SMURF2: variants seen among roughly 807,000 people sequenced by gnomAD.
SMURF2 encodes the protein SMAD specific E3 ubiquitin protein ligase 2, also known as E3 ubiquitin-protein ligase SMURF2.
A neutral mutation model predicts 109.6 loss-of-function variants in SMURF2; 48 were observed. That is an observed-to-expected ratio of 0.44 (90% CI 0.35 to 0.56). The LOEUF is 0.56. SMURF2 is among the 20% of genes least tolerant of loss of function. SMURF2 has a pLI of 0.01. For synonymous variants in SMURF2, 288 were observed against 317.1 expected, an observed-to-expected ratio of 0.91 and a Z score of 0.97; for missense variants, 575 against 909.0, an observed-to-expected ratio of 0.63 and a Z score of 4.72.
chr17:64,635,509 C>G (rs1019784012), intron 1 of SMURF2, among the ~76,000 whole-genome samples: 6 of 152,056 alleles, frequency 3.9e-5, no homozygotes. Context: ...CCCCATCTTC[C>G]CTCCCCCATC....
At position 64,639,881 on chromosome 17, in the gene SMURF2, G is replaced by A. The variant is rs569130732; in HGVS notation, c.52+21948C>T. On this transcript the variant is annotated intron_variant, in intron 1 of 18. Transcript: ENST00000262435. Reference sequence around the variant, plus strand: ...CCCTGTGGGTGCTCCCCATCTAATAGGGATTAAAAAACAATGAGCAGCATT... The same window carrying A: ...CCCTGTGGGTGCTCCCCATCTAATAAGGATTAAAAAACAATGAGCAGCATT... 9.2e-5 allele frequency among the ~76,000 whole-genome samples: 14 copies of A among 152,246 alleles called. No individual in the cohort carries two copies. The South Asian group carries it at 1.0e-3, about 11-fold the overall frequency.
intron 15 of SMURF2, 23 bp from the exon 16 acceptor site, chr17:64,551,727 C>T (rs782767357): frequency 1.2e-5 from 19 of 1,611,928 alleles, no homozygotes; most frequent in Admixed American, 6.7e-5. Context: ...GGCAGGATTT[C>T]GTATAATCAC....
intron 1 of SMURF2, among the ~76,000 whole-genome samples, chr17:64,656,569 G>C (rs556852686): frequency 6.6e-6 from 1 of 152,036 alleles, no homozygotes; most frequent in Admixed American, 6.5e-5. Flanking sequence ...CTTGTAAGAA[G>C]CAGCCTAAAG....
chr17:64,643,157 T>C (rs1970512751), intron 1 of SMURF2, among the ~76,000 whole-genome samples: 1 of 152,074 alleles, frequency 6.6e-6, no homozygotes, highest in African/African-American at 2.4e-5. Context: ...CCCAAGTAGC[T>C]GGGATCACAG....
chr17:64,563,447 T>C (rs1555684721), intron 10 of SMURF2, among the ~76,000 whole-genome samples: 1 of 152,226 alleles, frequency 6.6e-6, no homozygotes, highest in African/African-American at 2.4e-5. Context: ...TTGTTTAAAA[T>C]GCCAAGTCAA....
intron 1 of SMURF2, among the ~76,000 whole-genome samples, chr17:64,646,441 T>C (rs1970560937): frequency 6.6e-6 from 1 of 150,540 alleles, no homozygotes; most frequent in Non-Finnish European, 1.5e-5. Context: ...TGGAGTGCAG[T>C]GGCACCATCT....
intron 18 of SMURF2, 78 bp from the exon 19 acceptor site, chr17:64,546,025 C>T: frequency 1.0e-6 from 1 of 967,902 alleles, no homozygotes; most frequent in Non-Finnish European, 1.7e-6. Flanking sequence ...ACCAGTATAG[C>T]CACATCACTC....
intron 14 of SMURF2, 56 bp downstream of exon 14, chr17:64,555,764 T>C (rs1458821151): frequency 1.6e-6 from 2 of 1,245,158 alleles, no homozygotes; most frequent in Non-Finnish European, 2.2e-6. Flanking sequence ...TTTTGAAACA[T>C]ATTTTTTTTT....
chr17:64,575,039 C>T (rs1969468951), intron 9 of SMURF2, among the ~76,000 whole-genome samples: 1 of 149,614 alleles, frequency 6.7e-6, no homozygotes, highest in Non-Finnish European at 1.5e-5. Flanking sequence ...ATCCAAAAAG[C>T]TTTTTACAAT....
intron 10 of SMURF2, 21 bp downstream of exon 10, chr17:64,571,777 T>G: frequency 6.3e-7 from 1 of 1,595,708 alleles, no homozygotes; most frequent in Non-Finnish European, 8.5e-7. Flanking sequence ...CATTTTAACA[T>G]GTATTGTTTC....
rs146790121 is a variant in SMURF2 at position 64,614,652 on chromosome 17, G to A, written c.53-8012C>T. Among the ~76,000 whole-genome samples the A allele has an allele frequency of 3.0e-4, 45 of 152,266 alleles. No homozygotes were observed. In the East Asian group the frequency reaches 8.5e-3, roughly 29 times the overall value. On this transcript the variant is annotated intron_variant, in intron 1 of 18. Coordinates refer to ENST00000262435, the MANE Select transcript of SMURF2 (RefSeq NM_022739.4). ...AAATGAACTGACATCAGCCATATTGGATAAAGCCTCTGCATTTCACACAGA... is the reference window on the plus strand; with the variant it reads ...AAATGAACTGACATCAGCCATATTGAATAAAGCCTCTGCATTTCACACAGA...
At chr17:64,652,541 G>A (rs782560506) in intron 1 of SMURF2, among the ~76,000 whole-genome samples, 1 of 152,234 alleles carries the variant, frequency 6.6e-6, no homozygotes, top group Non-Finnish European at 1.5e-5. Context: ...AGGCTGGAGT[G>A]CAGTGGCACA....
intron 9 of SMURF2, among the ~76,000 whole-genome samples, chr17:64,576,831 T>C (rs1555686112): frequency 2.6e-5 from 4 of 151,362 alleles, no homozygotes; most frequent in Non-Finnish European, 5.9e-5. Flanking sequence ...TTTTAAAGGG[T>C]ATGTGTTCCG....
chr17:64,553,848 C>G (rs1479693874), intron 15 of SMURF2, among the ~76,000 whole-genome samples: 4 of 152,146 alleles, frequency 2.6e-5, no homozygotes, highest in African/African-American at 9.7e-5. Context: ...TCACTCCAAT[C>G]AAGTGGACCT....
rs572892903 is a variant in SMURF2 at position 64,543,395 on chromosome 17, C to T, written c.*2453G>A. On this transcript the variant is annotated 3_prime_UTR_variant, in exon 19 of 19. Coordinates refer to ENST00000262435, the MANE Select transcript of SMURF2 (RefSeq NM_022739.4). ...ATTCAAGCAATTCTCCTGCCTCAGCCTCCCAAGTAGTTGGATTACAGGAGT... is the reference window on the plus strand; with the variant it reads ...ATTCAAGCAATTCTCCTGCCTCAGCTTCCCAAGTAGTTGGATTACAGGAGT... 1 of 152,134 alleles carries T rather than the reference C, an allele frequency of 6.6e-6. No homozygotes were observed. Among genetic ancestry groups the T allele is most frequent in the African/African-American group, 2.4e-5 (1 of 41,456 alleles). 9.4% of individuals were successfully genotyped at this position (152,134 alleles called of 1,614,324 possible).
At position 64,542,862 on chromosome 17, in the gene SMURF2, A is replaced by G. The variant is rs1968893875; in HGVS notation, c.*2986T>C. Reference sequence around the variant, plus strand: ...TTCGGGGCAACAAACTATGTGCAAAACAAAATGTACACTATACACTATACA... The same window carrying G: ...TTCGGGGCAACAAACTATGTGCAAAGCAAAATGTACACTATACACTATACA... On this transcript the variant is annotated 3_prime_UTR_variant, in exon 19 of 19. Coordinates refer to ENST00000262435, the MANE Select transcript of SMURF2 (RefSeq NM_022739.4). The G allele has an allele frequency of 1.3e-5, 2 of 151,634 alleles. No homozygotes were observed. The highest frequency in any genetic ancestry group is 1.3e-4 in the Admixed American group (2 of 15,266). The allele number at this position is 151,634 out of a possible 1,614,324, so 9.4% of individuals were successfully genotyped here.
intron 12 of SMURF2, among the ~76,000 whole-genome samples, chr17:64,558,522 A>G (rs1555684234): frequency 6.6e-6 from 1 of 152,186 alleles, no homozygotes; most frequent in Non-Finnish European, 1.5e-5. Flanking sequence ...ATTTTGTTGT[A>G]GTATTAAGGA....
intron 10 of SMURF2, among the ~76,000 whole-genome samples, chr17:64,567,446 T>A (rs1242592138): frequency 1.3e-5 from 2 of 152,218 alleles, no homozygotes; most frequent in African/African-American, 4.8e-5. Context: ...AGTTATTCCT[T>A]CAGAACATTA....
At chr17:64,641,790 C>T (rs1367917976) in intron 1 of SMURF2, among the ~76,000 whole-genome samples, 6 of 152,082 alleles carry the variant, frequency 3.9e-5, no homozygotes, top group African/African-American at 1.4e-4. Flanking sequence ...CCCAATTAAG[C>T]CCCTTGCCAA....
Sources: gnomAD v4.1 joint callset for allele counts (sites outside exome capture counted in the v4.1 genomes callset) on GRCh38, gnomAD v4.1.1 for gene constraint, MANE v1.5 for transcripts, NCBI Gene and HGNC (gene_info 2026-07-23, HGNC 2026-07-21) for gene names.